Variants in SULT1A3 observed in about 807,000 individuals in gnomAD.
The protein encoded by SULT1A3 is sulfotransferase 1A3.
For synonymous variants in SULT1A3, 4 were observed against 29.3 expected (o/e 0.14, Z 2.79); for missense variants, 11 against 62.7 (o/e 0.18, Z 2.78).
chr16:30,201,676 G>A (rs1340895920), intron 4 of SULT1A3, among the ~76,000 whole-genome samples: 14 of 149,316 alleles, frequency 9.4e-5, no homozygotes, highest in African/African-American at 2.9e-4. Context: ...GGGCCTCCTC[G>A]CTTCTGCCAG....
rs1389561767 is a variant in SULT1A3 at position 30,201,254 on chromosome 16, G to C, written c.333G>C (p.Leu111=). Residue 111 remains leucine (L), a synonymous_variant, in exon 4 of 8, where the codon CTG becomes CTC. Transcript: ENST00000338971. ...PPRLIKSHLP[L]ALLPQTLLDQ... ...GGCTCATCAAGTCACACCTGCCCCTGGCTCTGCTCCCTCAGACTCTGTTGG... is the reference window on the plus strand; with the variant it reads ...GGCTCATCAAGTCACACCTGCCCCTCGCTCTGCTCCCTCAGACTCTGTTGG... 2.3e-6 allele frequency: 1 copy of C among 435,518 alleles called. No homozygotes were observed. Among genetic ancestry groups the C allele is most frequent in the Non-Finnish European group, 3.9e-6 (1 of 253,258 alleles). The allele number at this position is 435,518 out of a possible 1,614,324, so 27.0% of individuals were successfully genotyped here.
In SULT1A3 at chr16:30,204,236, C is replaced by G. The variant is rs2151066701; in HGVS notation, c.*316C>G. On this transcript the variant is annotated 3_prime_UTR_variant, in exon 8 of 8. Transcript: ENST00000338971. ...AGGTTGTGGATACAGTGAGTTATGA[C>G]ATGCCCATTCACTACAGCCTGGATG... 1 of 588,516 alleles carries G rather than the reference C, an allele frequency of 1.7e-6. No homozygotes were observed. The highest frequency in any genetic ancestry group is 1.9e-5 in the African/African-American group (1 of 54,030). 36.5% of individuals were successfully genotyped at this position (588,516 alleles called of 1,614,324 possible).
intron 4 of SULT1A3, among the ~76,000 whole-genome samples, chr16:30,201,662 G>A (rs532388992): frequency 0.03 from 4,279 of 140,880 alleles, 3 homozygotes; most frequent in Non-Finnish European, 0.048. Context: ...CTGTTCTTCT[G>A]GAAGGGCCTC....
At chr16:30,201,876 T>G in intron 4 of SULT1A3, among the ~76,000 whole-genome samples, 1 of 121,518 alleles carries the variant, frequency 8.2e-6, no homozygotes. Context: ...GTATTCTTTT[T>G]AGTAGAGACG....
chr16:30,200,616 G>A, intron 1 of SULT1A3, 109 bp from the exon 2 acceptor site: 1 of 1,426,284 alleles, frequency 7.0e-7, no homozygotes, highest in Non-Finnish European at 9.1e-7. Flanking sequence ...TCCAGCTTGG[G>A]TGAGAGTGAG....
Position 30,203,876 on chromosome 16 carries a change from GAGA to G in SULT1A3, c.848_850del (p.Lys283del), listed in dbSNP as rs1391791593. 1 of 307,204 alleles carries G rather than the reference GAGA, an allele frequency of 3.3e-6. No individual in the cohort carries two copies. Among genetic ancestry groups the G allele is most frequent in the South Asian group, 2.4e-5 (1 of 41,620 alleles). 19.0% of individuals were successfully genotyped at this position (307,204 alleles called of 1,614,324 possible). A position where few individuals can be genotyped will look rare whatever the true frequency, so the allele number is the denominator to read the frequency against. On this transcript the variant is annotated inframe_deletion, in exon 8 of 8. Transcript: ENST00000338971. The stretch of plus-strand genomic sequence containing the variant: ...TGAGCGCTTCGATGCGGACTATGCG[GAGA>G]AGATGGCAGGCTGCAGCCTCAGCTT...
Position 30,201,061 on chromosome 16 carries a change from G to C in SULT1A3, c.229G>C (p.Val77Leu). 1 of 280,648 alleles carries C rather than the reference G, an allele frequency of 3.6e-6. No homozygotes were observed. Among genetic ancestry groups the C allele is most frequent in the South Asian group, 2.8e-5 (1 of 35,996 alleles). 17.4% of individuals were successfully genotyped at this position (280,648 alleles called of 1,614,324 possible). Reference protein sequence around the residue: ...LEKCNRAPIYVRVPFLEVNDP... With the variant: ...LEKCNRAPIYLRVPFLEVNDP... Reference sequence around the variant, plus strand: ...GAAGTGTAACCGGGCTCCCATCTACGTACGGGTGCCCTTCCTTGAGGTCAA... The same window carrying C: ...GAAGTGTAACCGGGCTCCCATCTACCTACGGGTGCCCTTCCTTGAGGTCAA... The change falls in exon 3 of 8, where the codon GTA (valine) becomes CTA (leucine). Residue 77 changes from valine to leucine, a missense_variant. Val to Leu is a conservative substitution (Grantham distance 32, BLOSUM62 1). Coordinates refer to ENST00000338971, the MANE Select transcript of SULT1A3 (RefSeq NM_177552.4).
chr16:30,204,193 G>C lies in SULT1A3; in HGVS notation c.*273G>C. ...AGCTACTTGGGAAGCAGAGGCTGGA[G>C]GATCATTTCAGCCCAGGAGGTTGTG... On this transcript the variant is annotated 3_prime_UTR_variant, in exon 8 of 8. Transcript: ENST00000338971. 1 of 482,520 alleles carries C rather than the reference G, an allele frequency of 2.1e-6. No individual in the cohort carries two copies. Among genetic ancestry groups the C allele is most frequent in the Non-Finnish European group, 3.8e-6 (1 of 260,498 alleles). 29.9% of individuals were successfully genotyped at this position (482,520 alleles called of 1,614,324 possible). A position where few individuals can be genotyped will look rare whatever the true frequency, so the allele number is the denominator to read the frequency against.
At chr16:30,201,129 TA>T in intron 3 of SULT1A3, 23 bp downstream of exon 3, 1 of 280,774 alleles carries the variant, frequency 3.6e-6, no homozygotes, top group Non-Finnish European at 5.9e-6. Context: ...GTCCTGGGGG[TA>T]AGGGAAGTGG....
In SULT1A3 at chr16:30,204,127, A is replaced by T. The variant is rs1411743971; in HGVS notation, c.*207A>T. ...TGAGACCTCATCTCTACAAAGATGT[A>T]AAAAAATTAGCCACATGTGCTGGCA... is the stretch of plus-strand genomic sequence containing the variant. On this transcript the variant is annotated 3_prime_UTR_variant, in exon 8 of 8. Transcript: ENST00000338971. 2 of 142,034 alleles carry T rather than the reference A, an allele frequency of 1.4e-5. No homozygotes were observed. The highest frequency in any genetic ancestry group is 3.2e-5 in the Non-Finnish European group (2 of 63,406). 8.8% of individuals were successfully genotyped at this position (142,034 alleles called of 1,614,324 possible). A position where few individuals can be genotyped will look rare whatever the true frequency, so the allele number is the denominator to read the frequency against.
At chr16:30,201,696 ATCTT>A (rs1487310420) in intron 4 of SULT1A3, among the ~76,000 whole-genome samples, 1 of 132,104 alleles carries the variant, frequency 7.6e-6, no homozygotes, top group African/African-American at 2.6e-5. Context: ...GGCTCATCAC[ATCTT>A]TTTTTTTTTT....
In SULT1A3 at chr16:30,204,055, GT is replaced by G. The variant is rs2073453004; in HGVS notation, c.*136del. On this transcript the variant is annotated 3_prime_UTR_variant, in exon 8 of 8. Transcript: ENST00000338971. Reference sequence around the variant, plus strand: ...CCCAGCGATTTGGGAGGTTGAGCTGGTAGGATCACAATAGGCCACGAATTTG... The same window carrying G: ...CCCAGCGATTTGGGAGGTTGAGCTGGAGGATCACAATAGGCCACGAATTTG... 1 of 141,250 alleles carries G rather than the reference GT, an allele frequency of 7.1e-6. No homozygotes were observed. The highest frequency in any genetic ancestry group is 7.1e-5 in the Admixed American group (1 of 14,006). 8.7% of individuals were successfully genotyped at this position (141,250 alleles called of 1,614,324 possible).
At chr16:30,201,823 A>G (rs1235323379) in intron 4 of SULT1A3, among the ~76,000 whole-genome samples, 4 of 131,852 alleles carry the variant, frequency 3.0e-5, no homozygotes, top group Admixed American at 7.3e-5. Context: ...CCTCCTGAGT[A>G]GCTGGGATTA....
At chr16:30,201,384 G>A (rs2073442192) in intron 4 of SULT1A3, 91 bp downstream of exon 4, 1 of 135,804 alleles carries the variant, frequency 7.4e-6, no homozygotes, top group Non-Finnish European at 1.6e-5. Flanking sequence ...AGACCAGCCT[G>A]GGCAACATTG....
intron 4 of SULT1A3, among the ~76,000 whole-genome samples, chr16:30,201,654 GTTC>G (rs1164536855): frequency 6.6e-6 from 1 of 151,604 alleles, no homozygotes; most frequent in African/African-American, 2.4e-5. Context: ...CCATGTACCT[GTTC>G]TTCTGGAAGG....
chr16:30,201,013 A>T lies in SULT1A3; in HGVS notation c.181A>T (p.Ile61Phe). ...CTGGGTGAGCCAGATACTGGACATG[A>T]TCTACCAGGGCGGCGACCTAGAGAA... ...TTWVSQILDM[I>F]YQGGDLEKCN... is the part of the protein sequence containing the mutation. Residue 61 changes from isoleucine to phenylalanine, a missense_variant, in exon 3 of 8, where the codon ATC becomes TTC. Coordinates refer to ENST00000338971, the MANE Select transcript of SULT1A3 (RefSeq NM_177552.4). 1 of 306,966 alleles carries T rather than the reference A, an allele frequency of 3.3e-6. No homozygotes were observed. Among genetic ancestry groups the T allele is most frequent in the African/African-American group, 1.1e-4 (1 of 9,356 alleles). The allele number at this position is 306,966 out of a possible 1,614,324, so 19.0% of individuals were successfully genotyped here.
Position 30,200,846 on chromosome 16 carries a change from G to T in SULT1A3, c.118G>T (p.Asp40Tyr). The stretch of plus-strand genomic sequence containing the variant: ...GCAGAGCTTCCAAGCCCGACCTGAT[G>T]ACCTGCTCATCAACACCTACCCCAA... The part of the protein sequence containing the change: ...PLQSFQARPD[D>Y]LLINTYPKSG... The change falls in exon 2 of 8, where the codon GAC becomes TAC. Residue 40 changes from aspartate to tyrosine, a missense_variant. Coordinates refer to ENST00000338971, the MANE Select transcript of SULT1A3 (RefSeq NM_177552.4). 1.3e-6 allele frequency: 1 copy of T among 767,964 alleles called. No homozygotes were observed. 47.6% of individuals were successfully genotyped at this position (767,964 alleles called of 1,614,324 possible).
chr16:30,200,542 C>T (rs1392447287), intron 1 of SULT1A3, 183 bp from the exon 2 acceptor site: 8 of 206,516 alleles, frequency 3.9e-5, no homozygotes, highest in Admixed American at 1.5e-4. Context: ...GATGCCGAGG[C>T]GGGAGGATTG....
intron 4 of SULT1A3, among the ~76,000 whole-genome samples, chr16:30,201,524 C>T (rs977691158): frequency 1.3e-5 from 2 of 151,308 alleles, no homozygotes; most frequent in Admixed American, 1.3e-4. Context: ...TGCAATGAGC[C>T]CTGATGATCC....
Sources: allele counts gnomAD v4.1 joint callset (sites outside exome capture counted in the v4.1 genomes callset), GRCh38; gene constraint gnomAD v4.1.1; transcripts MANE v1.5; gene names NCBI Gene and HGNC (gene_info 2026-07-23, HGNC 2026-07-21).